The following GCC2 variants were observed in gnomAD, a reference collection of about 807,000 sequenced individuals.
The protein encoded by GCC2 is GRIP and coiled-coil domain-containing protein 2.
GCC2 carries 120 observed loss-of-function variants against 210.6 expected under a neutral mutation model. The ratio of observed to expected loss-of-function variants is 0.57; its 90% confidence interval spans 0.49 to 0.66. GCC2 has a LOEUF of 0.66. GCC2 is among the 30% of genes least tolerant of loss of function. GCC2 has a pLI of 0.00. For missense variants in GCC2, 1,868 were observed against 1,871.9 expected (o/e 1.00, Z 0.04); for synonymous variants, 703 against 652.7 (o/e 1.08, Z -1.17).
Position 108,490,001 on chromosome 2 carries a change from G to C in GCC2, c.4216G>C (p.Glu1406Gln), listed in dbSNP as rs1326630594. 5 of 1,601,064 alleles carry C rather than the reference G, an allele frequency of 3.1e-6. No homozygotes were observed. Among genetic ancestry groups the C allele is most frequent in the Admixed American group, 1.8e-5 (1 of 56,558 alleles). ...MLQETVSKEA[E>Q]LREKLCSIQS... Reference sequence around the variant, plus strand: ...GCAGGAAACTGTGTCCAAAGAGGCGGAACTCCGGGAAAAGTAAGACTGTTA... The same window carrying C: ...GCAGGAAACTGTGTCCAAAGAGGCGCAACTCCGGGAAAAGTAAGACTGTTA... Residue 1406 changes from glutamate to glutamine, a missense_variant, in exon 18 of 23, where the codon GAA (glutamate) becomes CAA (glutamine). Coordinates refer to ENST00000309863, the MANE Select transcript of GCC2 (RefSeq NM_181453.4).
At chr2:108,477,518 G>A (rs1303402854) in intron 9 of GCC2, among the ~76,000 whole-genome samples, 1 of 152,114 alleles carries the variant, frequency 6.6e-6, no homozygotes, top group Non-Finnish European at 1.5e-5. Flanking sequence ...AGGGAGTCTC[G>A]TTCCAGATCT....
rs577001443 is a variant in GCC2 at position 108,493,818 on chromosome 2, C to T, written c.4447+1028C>T. 8.5e-5 allele frequency: 84 copies of T among 985,318 alleles called. No homozygotes were observed. The African/African-American group carries it at 1.4e-3, about 16-fold the overall frequency. 61.0% of individuals were successfully genotyped at this position (985,318 alleles called of 1,614,324 possible). The stretch of plus-strand genomic sequence containing the variant: ...GGAAGTAATCAGCCAGGGCAAAGGT[C>T]GCACAAGAGATTGTAATCTAGCAAT... On this transcript the variant is annotated intron_variant, in intron 19 of 22. Transcript: ENST00000309863.
At chr2:108,475,701 TC>T in intron 8 of GCC2, 50 bp from the exon 9 acceptor site, 1 of 1,470,732 alleles carries the variant, frequency 6.8e-7, no homozygotes, top group Non-Finnish European at 9.3e-7. Flanking sequence ...AGTTTTTCTA[TC>T]CATTAAAAAA....
intron 22 of GCC2, among the ~76,000 whole-genome samples, chr2:108,502,328 G>A (rs2438254): frequency 0.19 from 29,482 of 151,954 alleles, 3,189 homozygotes; most frequent in African/African-American, 0.27. Flanking sequence ...CTAACGTCCA[G>A]GTGGCTCCTA....
chr2:108,459,705 T>A (rs1680451350), intron 4 of GCC2, among the ~76,000 whole-genome samples: 1 of 149,564 alleles, frequency 6.7e-6, no homozygotes, highest in Non-Finnish European at 1.5e-5. Context: ...ATCTTTTTGC[T>A]GGTTTGATTC....
At chr2:108,493,887 AGC>A (rs1468149493) in intron 19 of GCC2, 1 of 985,058 alleles carries the variant, frequency 1.0e-6, no homozygotes, top group Non-Finnish European at 1.2e-6. Flanking sequence ...CCCAGGAAAA[AGC>A]TTCAAAAAGG....
intron 18 of GCC2, among the ~76,000 whole-genome samples, chr2:108,492,350 C>G (rs1682446059): frequency 6.6e-6 from 1 of 152,132 alleles, no homozygotes. Flanking sequence ...TGGGGTTCTT[C>G]ATCTGAAATG....
intron 17 of GCC2, among the ~76,000 whole-genome samples, chr2:108,488,195 C>T (rs548388751): frequency 2.0e-5 from 3 of 152,248 alleles, no homozygotes; most frequent in South Asian, 4.1e-4. Flanking sequence ...ACGTGAGCCA[C>T]AGCACCCGGC....
At chr2:108,492,496 G>C in intron 18 of GCC2, 77 bp from the exon 19 acceptor site, 2 of 888,828 alleles carry the variant, frequency 2.3e-6, no homozygotes, top group East Asian at 5.2e-5. Context: ...TAATTCTCTT[G>C]CAGAACCCAG....
At chr2:108,452,625 C>T (rs1680005348) in intron 4 of GCC2, among the ~76,000 whole-genome samples, 159 bp downstream of exon 4, 1 of 151,860 alleles carries the variant, frequency 6.6e-6, no homozygotes, top group Non-Finnish European at 1.5e-5. Flanking sequence ...GGTTAATGAC[C>T]TCTGGGTCTC....
At chr2:108,479,998 A>C (rs867917745) in intron 9 of GCC2, among the ~76,000 whole-genome samples, 8 of 44,796 alleles carry the variant, frequency 1.8e-4, no homozygotes, top group Non-Finnish European at 4.4e-4. Flanking sequence ...AAAAAAAAAA[A>C]AAAAAAAAAA....
Position 108,463,553 on chromosome 2 carries a change from G to T in GCC2, c.217-5427G>T, listed in dbSNP as rs11901424. 7.7e-3 allele frequency among the ~76,000 whole-genome samples: 1,168 copies of T among 152,264 alleles called. 20 individuals carry two copies. The highest frequency in any genetic ancestry group is 0.027 in the African/African-American group (1,126 of 41,544). On this transcript the variant is annotated intron_variant, in intron 4 of 22. Transcript: ENST00000309863. ...TGTGGTAAAGTTTTGCTGGGGCCTG[G>T]AATGCCAAGTAGGCCAGTCTTCAGG... is the stretch of plus-strand genomic sequence containing the variant.
At chr2:108,501,002 TTTTG>T (rs991013306) in intron 22 of GCC2, among the ~76,000 whole-genome samples, 11 of 152,178 alleles carry the variant, frequency 7.2e-5, no homozygotes, top group Middle Eastern at 3.2e-3. Flanking sequence ...GTTGTCGTGT[TTTTG>T]TTTGTTTGAG....
intron 18 of GCC2, among the ~76,000 whole-genome samples, chr2:108,490,465 G>A (rs1024831799): frequency 6.6e-6 from 1 of 152,094 alleles, no homozygotes; most frequent in Non-Finnish European, 1.5e-5. Context: ...AGAAGTATTG[G>A]CAAAATAAAT....
intron 7 of GCC2, 197 bp from the exon 8 acceptor site, chr2:108,475,338 A>G (rs1325591425): frequency 5.2e-6 from 2 of 385,732 alleles, no homozygotes; most frequent in Non-Finnish European, 9.2e-6. Context: ...ATTAAAGACA[A>G]TGGAAACTTT....
Position 108,493,598 on chromosome 2 carries a change from C to T in GCC2, c.4447+808C>T, listed in dbSNP as rs553742979. On this transcript the variant is annotated intron_variant, in intron 19 of 22. Transcript: ENST00000309863. Reference sequence around the variant, plus strand: ...GTTGGAGTTTTAGTTCAGCCACACCCAGTATCTTCCATTCTGCTTCCAGGA... The same window carrying T: ...GTTGGAGTTTTAGTTCAGCCACACCTAGTATCTTCCATTCTGCTTCCAGGA... The T allele has an allele frequency of 1.3e-5, 13 of 985,428 alleles. No homozygotes were observed. The South Asian group carries it at 6.1e-4, about 46-fold the overall frequency. The allele number at this position is 985,428 out of a possible 1,614,324, so 61.0% of individuals were successfully genotyped here.
intron 4 of GCC2, among the ~76,000 whole-genome samples, chr2:108,465,206 T>A (rs944136254): frequency 6.6e-6 from 1 of 152,200 alleles, no homozygotes; most frequent in African/African-American, 2.4e-5. Flanking sequence ...TCTGTTGAAT[T>A]TGTGTTCTCT....
intron 4 of GCC2, among the ~76,000 whole-genome samples, chr2:108,454,295 A>G (rs1680125080): frequency 6.6e-6 from 1 of 152,114 alleles, no homozygotes; most frequent in Non-Finnish European, 1.5e-5. Context: ...CAGCCTGGTT[A>G]TATATTATCT....
intron 15 of GCC2, 198 bp from the exon 16 acceptor site, chr2:108,486,313 G>T: frequency 5.1e-6 from 3 of 584,268 alleles, no homozygotes; most frequent in Non-Finnish European, 6.2e-6. Context: ...TTGAATTGAT[G>T]TTGGTTTAAG....
Sources: allele counts gnomAD v4.1 joint callset (sites outside exome capture counted in the v4.1 genomes callset), GRCh38; gene constraint gnomAD v4.1.1; transcripts MANE v1.5; gene names NCBI Gene and HGNC (gene_info 2026-07-23, HGNC 2026-07-21).